FGGY: variants seen among roughly 807,000 people sequenced by gnomAD.
FGGY encodes the protein FGGY carbohydrate kinase domain containing.
Under a neutral mutation model 71.3 loss-of-function variants are expected in FGGY, and 72 were observed. The observed-to-expected ratio is 1.01, with a 90% CI of 0.84 to 1.23. The LOEUF (loss-of-function observed/expected upper bound fraction) is 1.23. FGGY is among the 50% of genes most tolerant of loss of function. FGGY has a pLI of 0.00. For synonymous variants in FGGY, 251 were observed against 250.3 expected (o/e 1.00, Z -0.02); for missense variants, 668 against 682.3 (o/e 0.98, Z 0.23).
chr1:59,360,215 T>C (rs1245062032), intron 4 of FGGY, among the ~76,000 whole-genome samples: 4 of 151,962 alleles, frequency 2.6e-5, no homozygotes, highest in African/African-American at 9.7e-5. Flanking sequence ...TGTTCTGGCA[T>C]TTGGGAACAA....
intron 5 of FGGY, among the ~76,000 whole-genome samples, chr1:59,384,154 C>T (rs562496189): frequency 6.6e-6 from 1 of 152,148 alleles, no homozygotes; most frequent in Non-Finnish European, 1.5e-5. Flanking sequence ...CTAATCATCC[C>T]TGCCATTTTT....
At chr1:59,552,957 C>T (rs1240156913) in intron 7 of FGGY, among the ~76,000 whole-genome samples, 1 of 152,114 alleles carries the variant, frequency 6.6e-6, no homozygotes, top group Non-Finnish European at 1.5e-5. Flanking sequence ...TAAAATTACC[C>T]ATGTCTTTTG....
intron 14 of FGGY, among the ~76,000 whole-genome samples, chr1:59,704,595 A>G (rs1201726553): frequency 6.6e-6 from 1 of 152,182 alleles, no homozygotes; most frequent in Non-Finnish European, 1.5e-5. Context: ...ATACTTTGGA[A>G]TATATTAATA....
intron 4 of FGGY, among the ~76,000 whole-genome samples, chr1:59,366,480 C>G (rs1239404002): frequency 2.0e-5 from 3 of 152,118 alleles, no homozygotes; most frequent in African/African-American, 7.2e-5. Context: ...TTTCCCCGCT[C>G]TGAGCCCTGT....
intron 8 of FGGY, among the ~76,000 whole-genome samples, chr1:59,582,917 C>A (rs542957595): frequency 2.7e-5 from 4 of 149,944 alleles, no homozygotes; most frequent in Admixed American, 1.3e-4. Context: ...GAATACTCAT[C>A]GTTTTTGATA....
At chr1:59,343,127 G>A (rs998181096) in intron 3 of FGGY, among the ~76,000 whole-genome samples, 1 of 152,090 alleles carries the variant, frequency 6.6e-6, no homozygotes, top group African/African-American at 2.4e-5. Context: ...TCTCCTCTGT[G>A]CAACAGATAC....
intron 1 of FGGY, among the ~76,000 whole-genome samples, chr1:59,312,337 A>G (rs1375656482): frequency 1.3e-5 from 2 of 152,082 alleles, no homozygotes; most frequent in Non-Finnish European, 2.9e-5. Flanking sequence ...TTGTCCCTCT[A>G]AGGGCTTTGT....
chr1:59,573,946 C>T (rs533596647), intron 8 of FGGY, among the ~76,000 whole-genome samples: 3 of 152,280 alleles, frequency 2.0e-5, no homozygotes, highest in African/African-American at 7.2e-5. Flanking sequence ...CTTCTTTTTG[C>T]TGTAATTGTC....
At chr1:59,592,552 T>C (rs941063112) in intron 8 of FGGY, among the ~76,000 whole-genome samples, 7 of 152,098 alleles carry the variant, frequency 4.6e-5, no homozygotes, top group African/African-American at 1.7e-4. Flanking sequence ...CCAACAATGA[T>C]AGACTGGATT....
chr1:59,653,351 C>T (rs2097185278), intron 11 of FGGY, among the ~76,000 whole-genome samples: 1 of 152,200 alleles, frequency 6.6e-6, no homozygotes, highest in African/African-American at 2.4e-5. Flanking sequence ...CCTCCCCCAG[C>T]CTTGCTGCCG....
At chr1:59,419,888 A>G (rs1324072877) in intron 5 of FGGY, among the ~76,000 whole-genome samples, 5 of 152,164 alleles carry the variant, frequency 3.3e-5, no homozygotes, top group Non-Finnish European at 7.4e-5. Flanking sequence ...TTTCAAAGCC[A>G]ATTTTGCAAA....
At chr1:59,531,503 G>A (rs910085208) in intron 7 of FGGY, among the ~76,000 whole-genome samples, 2 of 152,112 alleles carry the variant, frequency 1.3e-5, no homozygotes, top group African/African-American at 4.8e-5. Flanking sequence ...GCTACTAAAG[G>A]ACTTGAGGGG....
At position 59,603,822 on chromosome 1, in the gene FGGY, G is replaced by A. The variant is rs189121315; in HGVS notation, c.904-3981G>A. 1.6e-4 allele frequency among the ~76,000 whole-genome samples: 25 copies of A among 152,248 alleles called. 1 individual carries two copies. Among genetic ancestry groups the A allele is most frequent in the Middle Eastern group, 6.8e-3 (2 of 294 alleles). On this transcript the variant is annotated intron_variant, in intron 8 of 15. Coordinates refer to ENST00000303721, the MANE Select transcript of FGGY (RefSeq NM_018291.5). ...TGAGTAAGTCTGTGTTGGCTCTAAT[G>A]GCCCTTGCTTTCTGCTCTTCAAAAC...
intron 5 of FGGY, among the ~76,000 whole-genome samples, chr1:59,415,698 T>C (rs1189742822): frequency 1.3e-5 from 2 of 152,224 alleles, no homozygotes; most frequent in African/African-American, 4.8e-5. Flanking sequence ...ACCACTAGAC[T>C]GTGGTCTCCT....
intron 7 of FGGY, among the ~76,000 whole-genome samples, chr1:59,542,245 G>A (rs2095451307): frequency 6.6e-6 from 1 of 152,112 alleles, no homozygotes; most frequent in South Asian, 2.1e-4. Flanking sequence ...GAGATTACAA[G>A]CTCTCTGAGG....
intron 3 of FGGY, 93 bp downstream of exon 3, chr1:59,340,162 C>A: frequency 1.3e-6 from 1 of 782,786 alleles, no homozygotes; most frequent in South Asian, 1.7e-5. Context: ...GCGTCTCTTG[C>A]TGCTGATAGT....
intron 11 of FGGY, among the ~76,000 whole-genome samples, chr1:59,645,178 C>T (rs2097081040): frequency 2.0e-5 from 3 of 152,096 alleles, no homozygotes; most frequent in South Asian, 2.1e-4. Context: ...TGACCTTTGG[C>T]GGGTTAACTC....
chr1:59,758,908 A>C (rs1473033252), intron 15 of FGGY, among the ~76,000 whole-genome samples: 1 of 152,196 alleles, frequency 6.6e-6, no homozygotes, highest in Non-Finnish European at 1.5e-5. Context: ...GAGATGCTGA[A>C]TTCTAAGCAG....
At chr1:59,498,163 A>G (rs2094106408) in intron 6 of FGGY, among the ~76,000 whole-genome samples, 1 of 152,200 alleles carries the variant, frequency 6.6e-6, no homozygotes, top group Non-Finnish European at 1.5e-5. Context: ...TATGTACCAG[A>G]CACTGTACCA....
Sources: allele counts gnomAD v4.1 joint callset (sites outside exome capture counted in the v4.1 genomes callset), GRCh38; gene constraint gnomAD v4.1.1; transcripts MANE v1.5; gene names NCBI Gene and HGNC (gene_info 2026-07-23, HGNC 2026-07-21).